The following RXFP2 variants were observed in gnomAD, a reference collection of about 807,000 sequenced individuals.
RXFP2 encodes relaxin family peptide receptor 2, also known as relaxin receptor 2.
In RXFP2, 68 loss-of-function variants were observed where a neutral mutation model predicts 88.6. That is an observed-to-expected ratio of 0.77 (90% CI 0.63 to 0.94). The LOEUF is 0.94. RXFP2 is among the 40% of genes least tolerant of loss of function. The pLI, the probability that RXFP2 is intolerant of heterozygous loss-of-function variation, is 0.00. For missense variants in RXFP2, 791 were observed against 893.9 expected, an observed-to-expected ratio of 0.88 and a Z score of 1.47; for synonymous variants, 329 against 306.8, an observed-to-expected ratio of 1.07 and a Z score of -0.76.
intron 7 of RXFP2, among the ~76,000 whole-genome samples, chr13:31,775,976 C>T (rs557340355): frequency 8.3e-4 from 126 of 152,366 alleles, no homozygotes; most frequent in African/African-American, 2.8e-3. Flanking sequence ...AGGGCCTCAA[C>T]TTCATCCAAG....
At chr13:31,767,004 G>A (rs943685391) in intron 5 of RXFP2, among the ~76,000 whole-genome samples, 2 of 152,166 alleles carry the variant, frequency 1.3e-5, no homozygotes, top group African/African-American at 2.4e-5. Flanking sequence ...CCCCCTTGGT[G>A]GTACCATCAT....
intron 1 of RXFP2, among the ~76,000 whole-genome samples, chr13:31,748,014 G>C (rs1285312399): frequency 2.0e-5 from 3 of 152,218 alleles, no homozygotes; most frequent in Non-Finnish European, 4.4e-5. Flanking sequence ...AAGTGAAGGA[G>C]AACTGTCCAC....
intron 17 of RXFP2, among the ~76,000 whole-genome samples, chr13:31,800,001 A>T (rs572814629): frequency 6.6e-6 from 1 of 152,330 alleles, no homozygotes; most frequent in Non-Finnish European, 1.5e-5. Flanking sequence ...TCTTGTGGAA[A>T]CATTATTGAG....
At position 31,786,668 on chromosome 13, in the gene RXFP2, T is replaced by C. The variant is rs753925224; in HGVS notation, c.1073+31T>C. 2.3e-6 allele frequency: 3 copies of C among 1,322,572 alleles called. No homozygotes were observed. In the Admixed American group the frequency reaches 5.1e-5, roughly 23 times the overall value. The allele number at this position is 1,322,572 out of a possible 1,614,324, so 81.9% of individuals were successfully genotyped here. ...TGAAATATTACAATTATATTGATTA[T>C]AATTTTAGTGGATGTACTTAGAGAC... On this transcript the variant is annotated intron_variant, in intron 13 of 17. Transcript: ENST00000298386.
At position 31,786,554 on chromosome 13, in the gene RXFP2, T is replaced by TAAAA. The variant is rs71941366; in HGVS notation, c.1002-5_1002-2dup. On this transcript the variant is annotated splice_polypyrimidine_tract_variant and intron_variant, in intron 12 of 17. Coordinates refer to ENST00000298386, the MANE Select transcript of RXFP2 (RefSeq NM_130806.5). Reference sequence around the variant, plus strand: ...CTTCTTTTCCTCTCTCATCTAATGGTAAAAAAAAAAGGAACCTGTCATCCA... The same window carrying TAAAA: ...CTTCTTTTCCTCTCTCATCTAATGGTAAAAAAAAAAAAAAGGAACCTGTCATCCA... 5.9e-4 allele frequency: 879 copies of TAAAA among 1,496,020 alleles called. No individual in the cohort carries two copies. Among genetic ancestry groups the TAAAA allele is most frequent in the East Asian group, 2.4e-3 (106 of 43,704 alleles). The allele number at this position is 1,496,020 out of a possible 1,614,324, so 92.7% of individuals were successfully genotyped here.
rs1873047978 is a variant in RXFP2 at position 31,777,526 on chromosome 13, T to A, written c.713+79T>A. On this transcript the variant is annotated intron_variant, in intron 8 of 17. Coordinates refer to ENST00000298386, the MANE Select transcript of RXFP2 (RefSeq NM_130806.5). ...AGCACTAGCTTACAAAAAGAACTTT[T>A]AAAAAAATCAAGCCCACAAAAATTT... The A allele has an allele frequency of 6.2e-6, 7 of 1,127,518 alleles. No individual in the cohort carries two copies. In the Admixed American group the frequency reaches 1.3e-4, roughly 21 times the overall value. 69.8% of individuals were successfully genotyped at this position (1,127,518 alleles called of 1,614,324 possible). A position where few individuals can be genotyped will look rare whatever the true frequency, so the allele number is the denominator to read the frequency against.
intron 3 of RXFP2, among the ~76,000 whole-genome samples, chr13:31,763,233 C>A (rs892354309): frequency 6.6e-6 from 1 of 152,002 alleles, no homozygotes; most frequent in African/African-American, 2.4e-5. Context: ...CACAGACATG[C>A]ACCACCATGC....
At chr13:31,756,621 ATTT>A (rs577728352) in intron 1 of RXFP2, among the ~76,000 whole-genome samples, 10 of 133,952 alleles carry the variant, frequency 7.5e-5, no homozygotes, top group African/African-American at 1.1e-4. Flanking sequence ...TGAAGTTCCA[ATTT>A]TTTTTTTTTT....
chr13:31,788,938 C>T (rs1170460312), intron 13 of RXFP2, among the ~76,000 whole-genome samples, 184 bp from the exon 14 acceptor site: 4 of 152,274 alleles, frequency 2.6e-5, no homozygotes, highest in Middle Eastern at 6.8e-3. Flanking sequence ...ACACAATCAG[C>T]GCCAAACTGC....
chr13:31,765,482 T>G (rs1298683142), intron 4 of RXFP2, among the ~76,000 whole-genome samples: 2 of 152,174 alleles, frequency 1.3e-5, no homozygotes, highest in Admixed American at 1.3e-4. Flanking sequence ...CTACGTTTTT[T>G]TTAACGTTGG....
intron 5 of RXFP2, among the ~76,000 whole-genome samples, chr13:31,770,944 G>A (rs1872714436): frequency 6.6e-6 from 1 of 152,178 alleles, no homozygotes; most frequent in Non-Finnish European, 1.5e-5. Context: ...AGAGAAGGTG[G>A]GGAGCATCTT....
intron 2 of RXFP2, among the ~76,000 whole-genome samples, chr13:31,760,299 C>T (rs1306363885): frequency 2.6e-5 from 4 of 152,090 alleles, no homozygotes; most frequent in African/African-American, 7.2e-5. Flanking sequence ...ACATGTTGGC[C>T]GGGCTGGTCT....
chr13:31,747,366 T>C (rs1267165812), intron 1 of RXFP2, among the ~76,000 whole-genome samples: 1 of 152,162 alleles, frequency 6.6e-6, no homozygotes, highest in African/African-American at 2.4e-5. Flanking sequence ...AGTTTTTCAC[T>C]TAAAAAAACT....
intron 5 of RXFP2, among the ~76,000 whole-genome samples, chr13:31,767,824 C>A (rs1241965168): frequency 6.6e-6 from 1 of 152,110 alleles, no homozygotes; most frequent in Non-Finnish European, 1.5e-5. Flanking sequence ...GAATTTCTAC[C>A]AGCACAGACT....
At chr13:31,755,754 TA>T (rs775213751) in intron 1 of RXFP2, among the ~76,000 whole-genome samples, 54 of 152,312 alleles carry the variant, frequency 3.5e-4, no homozygotes, top group Non-Finnish European at 6.8e-4. Flanking sequence ...GAAGTCTTCC[TA>T]AAATAGTCAC....
chr13:31,746,679 CAT>C (rs1368492724), intron 1 of RXFP2, among the ~76,000 whole-genome samples: 2 of 147,372 alleles, frequency 1.4e-5, no homozygotes, highest in Admixed American at 1.4e-4. Context: ...AGCCAGTAGA[CAT>C]TGAATAGGTC....
chr13:31,774,983 A>G (rs1212042566), intron 6 of RXFP2, among the ~76,000 whole-genome samples: 1 of 152,172 alleles, frequency 6.6e-6, no homozygotes, highest in Non-Finnish European at 1.5e-5. Flanking sequence ...ATTTTCTTAA[A>G]ATGCTAGTCT....
In RXFP2 at chr13:31,783,815, T is replaced by C. The variant is rs1250003683; in HGVS notation, c.929+1068T>C. Among the ~76,000 whole-genome samples, 3 of 151,286 alleles carry C rather than the reference T, an allele frequency of 2.0e-5. No individual in the cohort carries two copies. The East Asian group carries it at 5.9e-4, about 30-fold the overall frequency. On this transcript the variant is annotated intron_variant, in intron 11 of 17. Coordinates refer to ENST00000298386, the MANE Select transcript of RXFP2 (RefSeq NM_130806.5). ...GGGGTTTTTTGTTTGTTTGTTTGTT[T>C]TGTTTTGTTTTGTTTTGAGATGGAT...
In RXFP2 at chr13:31,765,137, A is replaced by T; in HGVS notation, c.420A>T (p.Thr140=). 2 of 1,576,012 alleles carry T rather than the reference A, an allele frequency of 1.3e-6. No homozygotes were observed. The highest frequency in any genetic ancestry group is 8.7e-7 in the Non-Finnish European group (1 of 1,145,660). Residue 140 remains threonine (T), a synonymous_variant, in exon 4 of 18, where the codon ACA becomes ACT. Coordinates refer to ENST00000298386, the MANE Select transcript of RXFP2 (RefSeq NM_130806.5). ...TGCCGATGATTTCTAACAATGTGAC[A>T]TTACTGTGAGTAAAACTTAATTATT... is the stretch of plus-strand genomic sequence containing the variant. ...KSVPMISNNV[T]LLSLKKNKIH...
Sources: allele counts gnomAD v4.1 joint callset (sites outside exome capture counted in the v4.1 genomes callset), GRCh38; gene constraint gnomAD v4.1.1; transcripts MANE v1.5; gene names NCBI Gene and HGNC (gene_info 2026-07-23, HGNC 2026-07-21).